VTI1A: variants seen among roughly 807,000 people sequenced by gnomAD.
VTI1A encodes vesicle transport through interaction with t-SNAREs 1A, also known as vesicle transport through interaction with t-SNAREs homolog 1A.
In VTI1A, 22 loss-of-function variants were observed where a neutral mutation model predicts 34.9. The observed-to-expected ratio is 0.63, with a 90% CI of 0.45 to 0.90. The LOEUF (loss-of-function observed/expected upper bound fraction) is 0.90. Among genes scored for constraint, VTI1A ranks in the 40% least tolerant of loss-of-function variants. The pLI, the probability that VTI1A is intolerant of heterozygous loss-of-function variation, is 0.00. For synonymous variants in VTI1A, 87 were observed against 97.3 expected (o/e 0.89, Z 0.62); for missense variants, 268 against 275.6 (o/e 0.97, Z 0.20).
rs1853549482 is a variant in VTI1A at position 112,817,236 on chromosome 10, T to C, written c.*1853T>C. On this transcript the variant is annotated 3_prime_UTR_variant, in exon 8 of 8. Coordinates refer to ENST00000393077, the MANE Select transcript of VTI1A (RefSeq NM_145206.4). The stretch of plus-strand genomic sequence containing the variant: ...TTCCTTCAAAACTGTTGATCTTAGC[T>C]AAAGTGTATAACCAGTTACCAGCTG... 4.3e-6 allele frequency: 1 copy of C among 232,328 alleles called. No individual in the cohort carries two copies. The highest frequency in any genetic ancestry group is 2.2e-5 in the African/African-American group (1 of 45,294). 14.4% of individuals were successfully genotyped at this position (232,328 alleles called of 1,614,324 possible). A position where few individuals can be genotyped will look rare whatever the true frequency, so the allele number is the denominator to read the frequency against.
intron 5 of VTI1A, among the ~76,000 whole-genome samples, chr10:112,546,722 G>T (rs1025617712): frequency 1.3e-5 from 2 of 151,534 alleles, no homozygotes; most frequent in African/African-American, 4.9e-5. Flanking sequence ...TGCATATCTT[G>T]TTTCATTAGG....
the VTI1A span, among the ~76,000 whole-genome samples, chr10:112,854,410 C>A: frequency 6.6e-6 from 1 of 152,192 alleles, no homozygotes; most frequent in Non-Finnish European, 1.5e-5. Flanking sequence ...TCACTCAGGT[C>A]TCCCTGACTC....
At chr10:112,810,774 C>T (rs1211155531) in intron 7 of VTI1A, among the ~76,000 whole-genome samples, 1 of 152,186 alleles carries the variant, frequency 6.6e-6, no homozygotes, top group Non-Finnish European at 1.5e-5. Flanking sequence ...ATCTGCTGTA[C>T]ACAGGAAGCG....
chr10:112,710,042 C>G (rs1849355045), intron 7 of VTI1A, among the ~76,000 whole-genome samples: 1 of 146,922 alleles, frequency 6.8e-6, no homozygotes, highest in African/African-American at 2.5e-5. Context: ...ATCTCATTCC[C>G]TCTACTATAG....
At chr10:112,597,607 CAA>C (rs1844706987) in intron 5 of VTI1A, among the ~76,000 whole-genome samples, 2 of 89,502 alleles carry the variant, frequency 2.2e-5, no homozygotes, top group African/African-American at 7.8e-5. Context: ...TGGCCGAGCC[CAA>C]GAGTTTGAGG....
At chr10:112,638,022 G>C (rs1313785473) in intron 5 of VTI1A, among the ~76,000 whole-genome samples, 1 of 152,214 alleles carries the variant, frequency 6.6e-6, no homozygotes, top group Non-Finnish European at 1.5e-5. Flanking sequence ...ATGAAAGATG[G>C]GATTTGTTTG....
intron 3 of VTI1A, among the ~76,000 whole-genome samples, chr10:112,496,725 T>C (rs1051628037): frequency 6.6e-6 from 1 of 152,180 alleles, no homozygotes; most frequent in African/African-American, 2.4e-5. Flanking sequence ...GCACTGCAAT[T>C]TTTCAGTCAG....
intron 7 of VTI1A, among the ~76,000 whole-genome samples, chr10:112,685,539 A>G (rs1848372168): frequency 1.3e-5 from 2 of 152,132 alleles, no homozygotes; most frequent in Admixed American, 1.3e-4. Context: ...CTGGCTTTAT[A>G]AAGCTTTACC....
intron 7 of VTI1A, among the ~76,000 whole-genome samples, chr10:112,687,441 G>A (rs1482863599): frequency 6.6e-6 from 1 of 151,380 alleles, no homozygotes; most frequent in Non-Finnish European, 1.5e-5. Flanking sequence ...CACCTTGTTA[G>A]CCAGGATGGT....
intron 5 of VTI1A, among the ~76,000 whole-genome samples, chr10:112,579,042 C>T (rs571318172): frequency 6.6e-6 from 1 of 152,296 alleles, no homozygotes; most frequent in Admixed American, 6.5e-5. Flanking sequence ...TCTGAAAAAC[C>T]TTACTTTCTG....
chr10:112,622,115 A>G (rs1164202506), intron 5 of VTI1A, among the ~76,000 whole-genome samples: 1 of 152,182 alleles, frequency 6.6e-6, no homozygotes, highest in Non-Finnish European at 1.5e-5. Flanking sequence ...GTATGTAGGC[A>G]GGTAATCCTC....
chr10:112,557,333 T>C (rs1477194332), intron 5 of VTI1A, among the ~76,000 whole-genome samples: 1 of 152,172 alleles, frequency 6.6e-6, no homozygotes. Flanking sequence ...TTTCCTCTGC[T>C]AGGAGATTAG....
intron 5 of VTI1A, among the ~76,000 whole-genome samples, chr10:112,614,393 C>T (rs1845439140): frequency 6.6e-6 from 1 of 152,110 alleles, no homozygotes; most frequent in East Asian, 1.9e-4. Flanking sequence ...AAAGTGTAGA[C>T]AGCAGCGGTT....
At chr10:112,463,768 A>G (rs78725693) in intron 2 of VTI1A, among the ~76,000 whole-genome samples, 3,819 of 152,294 alleles carry the variant, frequency 0.025, 59 homozygotes, top group Middle Eastern at 0.062. Context: ...GTTGGTTGGT[A>G]TGTGATTTTC....
chr10:112,476,191 A>G (rs181288504), intron 3 of VTI1A, among the ~76,000 whole-genome samples: 1 of 152,304 alleles, frequency 6.6e-6, no homozygotes, highest in Admixed American at 6.5e-5. Context: ...TTAATGTTAA[A>G]TTGTTTGCTC....
intron 5 of VTI1A, among the ~76,000 whole-genome samples, chr10:112,557,240 T>C (rs1209491239): frequency 1.3e-5 from 2 of 152,168 alleles, no homozygotes; most frequent in East Asian, 3.9e-4. Flanking sequence ...AAAATTGATA[T>C]GTTTAGTGGC....
chr10:112,571,785 AC>A (rs1852133554), intron 5 of VTI1A, among the ~76,000 whole-genome samples: 1 of 152,256 alleles, frequency 6.6e-6, no homozygotes, highest in African/African-American at 2.4e-5. Context: ...GTGTATACGT[AC>A]ACTGTGGAAT....
chr10:112,704,874 G>A (rs1279383685), intron 7 of VTI1A, among the ~76,000 whole-genome samples: 1 of 151,860 alleles, frequency 6.6e-6, no homozygotes, highest in African/African-American at 2.4e-5. Flanking sequence ...GATAATGAGG[G>A]TCTATTTTAT....
chr10:112,563,663 A>G (rs1445119262), intron 5 of VTI1A, among the ~76,000 whole-genome samples: 1 of 152,218 alleles, frequency 6.6e-6, no homozygotes, highest in Non-Finnish European at 1.5e-5. Flanking sequence ...ACAATGAAAG[A>G]CTGTCTCTAA....
Sources: gnomAD v4.1 joint callset for allele counts (sites outside exome capture counted in the v4.1 genomes callset) on GRCh38, gnomAD v4.1.1 for gene constraint, MANE v1.5 for transcripts, NCBI Gene and HGNC (gene_info 2026-07-23, HGNC 2026-07-21) for gene names.